FBN2: variants seen among roughly 807,000 people sequenced by gnomAD.
FBN2 encodes the protein fibrillin 2, also known as fibrillin-2.
Under a neutral mutation model 355.6 loss-of-function variants are expected in FBN2, and 105 were observed. The ratio of observed to expected loss-of-function variants is 0.30; its 90% CI spans 0.25 to 0.35. The LOEUF (loss-of-function observed/expected upper bound fraction) is 0.35. FBN2 is among the 10% of genes least tolerant of loss of function. The pLI is 1.00. For missense variants in FBN2, 3,280 were observed against 3,758.7 expected (o/e 0.87, Z 3.33); for synonymous variants, 1,350 against 1,301.2 (o/e 1.04, Z -0.81).
At chr5:128,519,781 C>A (rs1005436873) in intron 4 of FBN2, among the ~76,000 whole-genome samples, 2 of 150,984 alleles carry the variant, frequency 1.3e-5, no homozygotes, top group African/African-American at 4.9e-5. Flanking sequence ...AGAGGCCGAT[C>A]CCGGTAGCAC....
intron 15 of FBN2, among the ~76,000 whole-genome samples, chr5:128,370,842 C>T (rs1751914832): frequency 6.6e-6 from 1 of 151,958 alleles, no homozygotes; most frequent in Non-Finnish European, 1.5e-5. Context: ...TTTAGAGTAC[C>T]CAACACCAGA....
chr5:128,427,465 G>A (rs900220622), intron 7 of FBN2, among the ~76,000 whole-genome samples: 2 of 152,108 alleles, frequency 1.3e-5, no homozygotes, highest in African/African-American at 4.8e-5. Context: ...AGACCAAGGG[G>A]AACTGAGGAC....
intron 18 of FBN2, among the ~76,000 whole-genome samples, chr5:128,362,811 T>G (rs540473128): frequency 6.6e-6 from 1 of 152,294 alleles, no homozygotes; most frequent in South Asian, 2.1e-4. Context: ...GTGTAGTTAG[T>G]GACAAAAAGA....
At chr5:128,461,589 T>G (rs1754558615) in intron 6 of FBN2, among the ~76,000 whole-genome samples, 1 of 152,098 alleles carries the variant, frequency 6.6e-6, no homozygotes. Flanking sequence ...AGCAAAGACA[T>G]GGAACCAACC....
chr5:128,534,637 T>A (rs562200664), intron 2 of FBN2, among the ~76,000 whole-genome samples: 2 of 152,204 alleles, frequency 1.3e-5, no homozygotes, highest in Non-Finnish European at 2.9e-5. Flanking sequence ...CATCCAAATA[T>A]TTCAAGTCTC....
chr5:128,475,559 G>C (rs1226463208), intron 5 of FBN2, among the ~76,000 whole-genome samples: 1 of 151,970 alleles, frequency 6.6e-6, no homozygotes. Context: ...AAGTAATAAA[G>C]ATGTAATTGG....
chr5:128,301,701 T>A (rs1270662452), intron 46 of FBN2, among the ~76,000 whole-genome samples, 191 bp from the exon 47 acceptor site: 1 of 152,222 alleles, frequency 6.6e-6, no homozygotes, highest in Non-Finnish European at 1.5e-5. Flanking sequence ...AGAGTCCTAC[T>A]ATTTTTCAAC....
chr5:128,476,673 AAAAT>A (rs1190197494), intron 5 of FBN2, among the ~76,000 whole-genome samples: 4 of 152,188 alleles, frequency 2.6e-5, no homozygotes, highest in Non-Finnish European at 5.9e-5. Flanking sequence ...AGACAAAAAA[AAAAT>A]AAATAAGAAC....
chr5:128,430,565 C>T (rs1373862254), intron 7 of FBN2, among the ~76,000 whole-genome samples: 2 of 152,050 alleles, frequency 1.3e-5, no homozygotes, highest in African/African-American at 2.4e-5. Flanking sequence ...AAAATACAGG[C>T]CAGTGAGGTG....
intron 5 of FBN2, among the ~76,000 whole-genome samples, chr5:128,515,230 G>C (rs577637126): frequency 1.3e-5 from 2 of 152,128 alleles, no homozygotes; most frequent in Non-Finnish European, 2.9e-5. Flanking sequence ...TTTACTTCCT[G>C]AAGTATGGGT....
At chr5:128,497,423 T>C (rs1755684612) in intron 5 of FBN2, among the ~76,000 whole-genome samples, 1 of 152,126 alleles carries the variant, frequency 6.6e-6, no homozygotes, top group African/African-American at 2.4e-5. Flanking sequence ...AGGAACAAAA[T>C]AGTGGGGGCA....
chr5:128,502,395 A>G (rs1755842913), intron 5 of FBN2, among the ~76,000 whole-genome samples: 2 of 152,206 alleles, frequency 1.3e-5, no homozygotes, highest in Admixed American at 6.5e-5. Context: ...TCTCCACAAC[A>G]CATTCAATGT....
chr5:128,313,861 A>G, intron 36 of FBN2, among the ~76,000 whole-genome samples: 1 of 150,990 alleles, frequency 6.6e-6, no homozygotes, highest in East Asian at 1.9e-4. Context: ...TCAAAAAAAA[A>G]AAAAAAAAAA....
At chr5:128,385,019 T>C (rs1752329428) in intron 11 of FBN2, among the ~76,000 whole-genome samples, 1 of 152,120 alleles carries the variant, frequency 6.6e-6, no homozygotes, top group Admixed American at 6.6e-5. Context: ...AACTCAGACA[T>C]GGAGAAAGAT....
chr5:128,439,458 T>C (rs1469288788), intron 7 of FBN2, among the ~76,000 whole-genome samples: 1 of 152,154 alleles, frequency 6.6e-6, no homozygotes, highest in Non-Finnish European at 1.5e-5. Context: ...GTCTCACAGT[T>C]TTATATTACA....
intron 7 of FBN2, among the ~76,000 whole-genome samples, chr5:128,417,332 A>G (rs1466072342): frequency 2.0e-5 from 3 of 152,158 alleles, no homozygotes; most frequent in Non-Finnish European, 4.4e-5. Flanking sequence ...TCTAATTTGT[A>G]TGCCTTTTAT....
In FBN2 at chr5:128,376,740, A is replaced by T; in HGVS notation, c.1963T>A (p.Tyr655Asn). ...PGFVLAPNGRYCTDVDECQTP... is the reference protein window; with the variant it reads ...PGFVLAPNGRNCTDVDECQTP... ...TGAAAGCCACACATACCAGTACAGT[A>T]ACGCCCATTTGGAGCCAAGACAAAT... Residue 655 changes from tyrosine to asparagine, a missense_variant, in exon 14 of 65, where the codon TAC becomes AAC. Coordinates refer to ENST00000262464, the MANE Select transcript of FBN2 (RefSeq NM_001999.4). The T allele has an allele frequency of 6.2e-7, 1 of 1,613,746 alleles. No individual in the cohort carries two copies. Among genetic ancestry groups the T allele is most frequent in the Non-Finnish European group, 8.5e-7 (1 of 1,179,698 alleles).
At chr5:128,483,728 C>T (rs547871716) in intron 5 of FBN2, among the ~76,000 whole-genome samples, 46 of 149,528 alleles carry the variant, frequency 3.1e-4, no homozygotes, top group Admixed American at 1.3e-3. Context: ...GGTTGGCAAT[C>T]AGGGGTGGGG....
intron 36 of FBN2, among the ~76,000 whole-genome samples, chr5:128,313,580 T>TCCTTA (rs1750117188): frequency 6.6e-6 from 1 of 152,108 alleles, no homozygotes; most frequent in South Asian, 2.1e-4. Context: ...CATTTTTGAC[T>TCCTTA]CCTTACTATG....
Sources: allele counts gnomAD v4.1 joint callset (sites outside exome capture counted in the v4.1 genomes callset), GRCh38; gene constraint gnomAD v4.1.1; transcripts MANE v1.5; gene names NCBI Gene and HGNC (gene_info 2026-07-23, HGNC 2026-07-21).